RCBTB2: variants seen among roughly 807,000 people sequenced by gnomAD.
RCBTB2 encodes the protein RCC1 and BTB domain containing protein 2.
A neutral mutation model predicts 65.4 loss-of-function variants in RCBTB2; 55 were observed. The ratio of observed to expected loss-of-function variants is 0.84; its 90% CI spans 0.68 to 1.05. The LOEUF is 1.05. Among genes scored for constraint, RCBTB2 ranks in the 50% least tolerant of loss-of-function variants. The pLI is 0.00. For missense variants in RCBTB2, 599 were observed against 680.1 expected (o/e 0.88, Z 1.33); for synonymous variants, 220 against 255.2 (o/e 0.86, Z 1.31).
At chr13:48,518,179 A>G (rs2138585380) in intron 4 of RCBTB2, among the ~76,000 whole-genome samples, 1 of 152,266 alleles carries the variant, frequency 6.6e-6, no homozygotes, top group Non-Finnish European at 1.5e-5. Flanking sequence ...AATTGTAGTC[A>G]TTTGTTACAG....
At chr13:48,493,751 C>G (rs952497037) in intron 14 of RCBTB2, among the ~76,000 whole-genome samples, 1 of 152,112 alleles carries the variant, frequency 6.6e-6, no homozygotes. Context: ...ATTCCCTAGG[C>G]TGTCTTCCCT....
intron 10 of RCBTB2, among the ~76,000 whole-genome samples, chr13:48,504,003 C>G (rs900220611): frequency 6.6e-6 from 1 of 152,206 alleles, no homozygotes; most frequent in African/African-American, 2.4e-5. Flanking sequence ...GACAATGGTA[C>G]CAGCATCCTC....
chr13:48,512,876 C>G lies in RCBTB2; in HGVS notation c.369G>C (p.Trp123Cys). 6.2e-7 allele frequency: 1 copy of G among 1,610,390 alleles called. No individual in the cohort carries two copies. Among genetic ancestry groups the G allele is most frequent in the Non-Finnish European group, 8.5e-7 (1 of 1,177,792 alleles). ...CCAGCTGGCTATAAGCATTATGACC[C>G]CAGGTAAAGACTTCTCCTTCTGAAA... is the stretch of plus-strand genomic sequence containing the variant. ...LATTEGEVFT[W>C]GHNAYSQLGN... Residue 123 changes from tryptophan (W) to cysteine (C), a missense_variant, in exon 7 of 15, where the codon TGG (tryptophan) becomes TGC (cysteine). Physicochemically the swap from Trp to Cys is radical, Grantham distance 215. Coordinates refer to ENST00000344532, the MANE Select transcript of RCBTB2 (RefSeq NM_001268.4).
At chr13:48,519,950 C>G (rs1951328214) in intron 4 of RCBTB2, among the ~76,000 whole-genome samples, 1 of 152,074 alleles carries the variant, frequency 6.6e-6, no homozygotes, top group East Asian at 1.9e-4. Flanking sequence ...ACTTTTTGAG[C>G]ACCAATTATG....
intron 14 of RCBTB2, chr13:48,492,612 T>C (rs1370102490): frequency 6.6e-6 from 1 of 152,328 alleles, no homozygotes; most frequent in East Asian, 1.9e-4. Context: ...CCAAACCCAC[T>C]CGTCAGTTCT....
rs772435640 is a variant in RCBTB2 at position 48,499,727 on chromosome 13, G to A, written c.1278C>T (p.Asn426=). The change falls in exon 13 of 15, where the codon AAC becomes AAT. Residue 426 remains asparagine (N), a synonymous_variant. Coordinates refer to ENST00000344532, the MANE Select transcript of RCBTB2 (RefSeq NM_001268.4). ...CACTCATTTCTACAATATCATCCTC[G>A]TTATCTTCCAATGACGAACGAAAAT... is the stretch of plus-strand genomic sequence containing the variant. ...CEHFRSSLED[N]EDDIVEMSEF... The A allele has an allele frequency of 1.9e-5, 31 of 1,614,004 alleles. No homozygotes were observed. The highest frequency in any genetic ancestry group is 5.5e-5 in the South Asian group (5 of 91,084).
In RCBTB2 at chr13:48,494,324, C is replaced by T. The variant is rs9332059; in HGVS notation, c.1515+1867G>A. Among the ~76,000 whole-genome samples, 975 of 152,286 alleles carry T rather than the reference C, an allele frequency of 6.4e-3. 11 individuals carry two copies. Among genetic ancestry groups the T allele is most frequent in the African/African-American group, 0.022 (902 of 41,546 alleles). On this transcript the variant is annotated intron_variant, in intron 14 of 14. Transcript: ENST00000344532. ...CAAATACAGCACTGTTCTTTATTTACGAAAGCTTGTATTTTACATTAAGTA... is the reference window on the plus strand; with the variant it reads ...CAAATACAGCACTGTTCTTTATTTATGAAAGCTTGTATTTTACATTAAGTA...
intron 10 of RCBTB2, chr13:48,504,316 A>G (rs1950383714): frequency 2.0e-6 from 2 of 985,440 alleles, no homozygotes; most frequent in South Asian, 4.7e-5. Flanking sequence ...AAATCCTGAC[A>G]CAAGACATAA....
At chr13:48,518,938 A>G (rs1477963804) in intron 4 of RCBTB2, among the ~76,000 whole-genome samples, 1 of 152,220 alleles carries the variant, frequency 6.6e-6, no homozygotes, top group African/African-American at 2.4e-5. Context: ...AACAAGGTTT[A>G]GGAAGTGGAA....
chr13:48,525,471 T>G (rs1951675968), intron 1 of RCBTB2, among the ~76,000 whole-genome samples: 1 of 146,638 alleles, frequency 6.8e-6, no homozygotes. Context: ...TTCTTACTCC[T>G]CCTACATGAG....
chr13:48,504,495 G>A, intron 10 of RCBTB2: 3 of 272,588 alleles, frequency 1.1e-5, no homozygotes, highest in Non-Finnish European at 1.7e-5. Context: ...ATCTTGTAAG[G>A]CCCAGTTCAA....
In RCBTB2 at chr13:48,509,990, G is replaced by A. The variant is rs141483632; in HGVS notation, c.926+639C>T. Among the ~76,000 whole-genome samples the A allele has an allele frequency of 1.4e-4, 22 of 152,334 alleles. No individual in the cohort carries two copies. In the East Asian group the frequency reaches 3.7e-3, roughly 25 times the overall value. On this transcript the variant is annotated intron_variant, in intron 10 of 14. Coordinates refer to ENST00000344532, the MANE Select transcript of RCBTB2 (RefSeq NM_001268.4). ...ACTATCAGGAAATGAAAAGTGGAAA[G>A]GCAGTGATCTGACCATGCTTGAGAA...
At chr13:48,493,341 T>TCTCTCTCTC (rs1555297879) in intron 14 of RCBTB2, among the ~76,000 whole-genome samples, 3 of 55,504 alleles carry the variant, frequency 5.4e-5, no homozygotes, top group Admixed American at 1.8e-4. Flanking sequence ...TCTCTCTCTC[T>TCTCTCTCTC]TCTCTTCTCT....
chr13:48,534,453 T>G (rs548493250), upstream of RCBTB2, among the ~76,000 whole-genome samples: 40 of 152,342 alleles, frequency 2.6e-4, 1 homozygote, highest in African/African-American at 7.5e-4. Context: ...AGATTAAGTT[T>G]CTTTCATCAG....
chr13:48,527,361 T>TATATCATATA, intron 1 of RCBTB2, among the ~76,000 whole-genome samples: 1,156 of 112,230 alleles, frequency 0.01, 64 homozygotes, highest in African/African-American at 0.058. Context: ...TGATATATAT[T>TATATCATATA]TATATATGAT....
chr13:48,490,262 C>A lies in RCBTB2; in HGVS notation c.1516-11G>T, dbSNP rs1214773008. ...GAATTCTTCTAAATCCTAGGAACAACAACAAAGATGGTTTAATAAATTCAT... is the reference window on the plus strand; with the variant it reads ...GAATTCTTCTAAATCCTAGGAACAAAAACAAAGATGGTTTAATAAATTCAT... On this transcript the variant is annotated splice_polypyrimidine_tract_variant and intron_variant, in intron 14 of 14. Coordinates refer to ENST00000344532, the MANE Select transcript of RCBTB2 (RefSeq NM_001268.4). 4.4e-6 allele frequency: 7 copies of A among 1,605,636 alleles called. No homozygotes were observed. The Admixed American group carries it at 6.8e-5, about 16-fold the overall frequency.
At chr13:48,500,489 A>T (rs1327837881) in intron 12 of RCBTB2, among the ~76,000 whole-genome samples, 1 of 152,070 alleles carries the variant, frequency 6.6e-6, no homozygotes. Flanking sequence ...ACCTGGGAGG[A>T]GGAGGTTGCA....
chr13:48,525,894 A>T (rs915101197), intron 1 of RCBTB2, among the ~76,000 whole-genome samples: 3 of 152,156 alleles, frequency 2.0e-5, no homozygotes, highest in Admixed American at 2.0e-4. Flanking sequence ...AGACAGTACT[A>T]TTTTAATGTG....
chr13:48,512,876 C>A lies in RCBTB2; in HGVS notation c.369G>T (p.Trp123Cys). Reference protein sequence around the residue: ...LATTEGEVFTWGHNAYSQLGN... With the variant: ...LATTEGEVFTCGHNAYSQLGN... ...CCAGCTGGCTATAAGCATTATGACCCCAGGTAAAGACTTCTCCTTCTGAAA... is the reference window on the plus strand; with the variant it reads ...CCAGCTGGCTATAAGCATTATGACCACAGGTAAAGACTTCTCCTTCTGAAA... The change falls in exon 7 of 15, where the codon TGG (tryptophan) becomes TGT (cysteine). Residue 123 changes from tryptophan (W) to cysteine (C), a missense_variant. By Grantham distance (215) the Trp-to-Cys change is radical. Transcript: ENST00000344532. The A allele has an allele frequency of 6.2e-7, 1 of 1,610,390 alleles. No homozygotes were observed. Among genetic ancestry groups the A allele is most frequent in the Non-Finnish European group, 8.5e-7 (1 of 1,177,792 alleles).
Sources: allele counts gnomAD v4.1 joint callset (sites outside exome capture counted in the v4.1 genomes callset), GRCh38; gene constraint gnomAD v4.1.1; transcripts MANE v1.5; gene names NCBI Gene and HGNC (gene_info 2026-07-23, HGNC 2026-07-21).